The following CHD1L variants were observed in gnomAD, a reference collection of about 807,000 sequenced individuals.
The protein encoded by CHD1L is chromodomain helicase DNA binding protein 1 like.
A neutral mutation model predicts 115.9 loss-of-function variants in CHD1L; 118 were observed. The ratio of observed to expected loss-of-function variants is 1.02; its 90% CI spans 0.88 to 1.19. CHD1L has a LOEUF of 1.19. CHD1L is among the 50% of genes most tolerant of loss of function. The pLI is 0.00. For missense variants in CHD1L, 1,179 were observed against 1,065.3 expected, an observed-to-expected ratio of 1.11 and a Z score of -1.49; for synonymous variants, 411 against 387.1, an observed-to-expected ratio of 1.06 and a Z score of -0.72.
chr1:147,189,264 C>G, the CHD1L span, among the ~76,000 whole-genome samples: 1 of 134,320 alleles, frequency 7.4e-6, no homozygotes, highest in Non-Finnish European at 1.6e-5. Context: ...CAGAGTGAGA[C>G]TCCGTCTAAA....
intron 19 of CHD1L, among the ~76,000 whole-genome samples, chr1:147,289,139 G>C (rs1684527601): frequency 6.6e-6 from 1 of 152,158 alleles, no homozygotes; most frequent in African/African-American, 2.4e-5. Flanking sequence ...TCCAGATCTA[G>C]ATGCTGATTG....
chr1:147,196,476 A>T, the CHD1L span, among the ~76,000 whole-genome samples: 1 of 152,104 alleles, frequency 6.6e-6, no homozygotes, highest in African/African-American at 2.4e-5. Context: ...GAGACACCCA[A>T]TTCATAAAAG....
chr1:147,187,066 C>T, the CHD1L span: 6 of 1,614,138 alleles, frequency 3.7e-6, no homozygotes, highest in South Asian at 6.6e-5. Flanking sequence ...ATCCCACTTT[C>T]CAGGGCCCTG....
chr1:147,258,834 A>G (rs1372258589), intron 5 of CHD1L: 2 of 152,214 alleles, frequency 1.3e-5, no homozygotes, highest in Non-Finnish European at 2.9e-5. Context: ...AAATATGAAA[A>G]TAATGTAATG....
chr1:147,233,696 G>A, the CHD1L span, among the ~76,000 whole-genome samples: 16 of 152,100 alleles, frequency 1.1e-4, no homozygotes, highest in South Asian at 4.1e-4. Context: ...GATGGTTGCC[G>A]TGTCTGTGTA....
Position 147,295,525 on chromosome 1 carries a change from C to T in CHD1L, c.*16C>T. 1 of 1,577,702 alleles carries T rather than the reference C, an allele frequency of 6.3e-7. No individual in the cohort carries two copies. Among genetic ancestry groups the T allele is most frequent in the Middle Eastern group, 1.7e-4 (1 of 5,856 alleles). On this transcript the variant is annotated 3_prime_UTR_variant, in exon 23 of 23. Coordinates refer to ENST00000369258, the MANE Select transcript of CHD1L (RefSeq NM_004284.6). ...GGTGCCTTAAGAATTGGCCCAGCCT[C>T]AGATCCTGTCTTTAGCAACCAGCTA...
At chr1:147,190,719 C>T in the CHD1L span, among the ~76,000 whole-genome samples, 1 of 151,934 alleles carries the variant, frequency 6.6e-6, no homozygotes, top group Non-Finnish European at 1.5e-5. Context: ...TTTTAGGGTA[C>T]ATGTGCACAA....
At chr1:147,257,428 T>C (rs1404344184) in intron 5 of CHD1L, among the ~76,000 whole-genome samples, 1 of 152,174 alleles carries the variant, frequency 6.6e-6, no homozygotes, top group Non-Finnish European at 1.5e-5. Context: ...CTTATTTTTC[T>C]TAAGATATAC....
At chr1:147,229,490 G>A in the CHD1L span, among the ~76,000 whole-genome samples, 6,247 of 149,384 alleles carry the variant, frequency 0.042, 303 homozygotes, top group East Asian at 0.17. Context: ...TTGGCGATGC[G>A]GGCTCTTTTT....
At chr1:147,243,369 T>C (rs1553932398) in intron 1 of CHD1L, among the ~76,000 whole-genome samples, 1 of 150,186 alleles carries the variant, frequency 6.7e-6, no homozygotes, top group African/African-American at 2.4e-5. Context: ...AGCAAAGCAC[T>C]GTTTATGAAG....
At chr1:147,180,173 T>C in the CHD1L span, among the ~76,000 whole-genome samples, 5 of 152,146 alleles carry the variant, frequency 3.3e-5, no homozygotes, top group Non-Finnish European at 1.5e-5. Flanking sequence ...ATAAAAATAA[T>C]AAAGTACATG....
intron 1 of CHD1L, among the ~76,000 whole-genome samples, chr1:147,245,532 A>T (rs1247712376): frequency 6.6e-6 from 1 of 151,610 alleles, no homozygotes; most frequent in Non-Finnish European, 1.5e-5. Context: ...CCTAGATGTT[A>T]CTCCTCCAGG....
chr1:147,212,363 C>T, the CHD1L span: 1 of 1,611,608 alleles, frequency 6.2e-7, no homozygotes, highest in Admixed American at 1.7e-5. Flanking sequence ...TAGAGTTAAG[C>T]AACGTAAATA....
the CHD1L span, chr1:147,179,641 C>A: frequency 7.2e-7 from 1 of 1,398,152 alleles, no homozygotes; most frequent in Non-Finnish European, 1.0e-6. Context: ...AGTAGGCAAA[C>A]ACCACTTTGT....
At chr1:147,173,894 CT>C in the CHD1L span, among the ~76,000 whole-genome samples, 1 of 152,184 alleles carries the variant, frequency 6.6e-6, no homozygotes, top group African/African-American at 2.4e-5. Flanking sequence ...ACAGAGTAGG[CT>C]TTTGCATTTG....
At chr1:147,223,994 G>T in the CHD1L span, 1 of 421,856 alleles carries the variant, frequency 2.4e-6, no homozygotes, top group Non-Finnish European at 4.7e-6. Flanking sequence ...CACCTTGGTG[G>T]AGAACAAGAA....
chr1:147,293,308 CTCT>C (rs1208438372), intron 20 of CHD1L, among the ~76,000 whole-genome samples: 2 of 94,950 alleles, frequency 2.1e-5, no homozygotes, highest in East Asian at 7.8e-4. Flanking sequence ...CAGAAAAATT[CTCT>C]TTTTTTTTTT....
At chr1:147,280,349 A>C (rs1363640989) in intron 15 of CHD1L, among the ~76,000 whole-genome samples, 158 bp downstream of exon 15, 1 of 152,180 alleles carries the variant, frequency 6.6e-6, no homozygotes, top group Non-Finnish European at 1.5e-5. Context: ...TGATAAAAGA[A>C]CGTTACCCAA....
In CHD1L at chr1:147,286,397, G is replaced by A; in HGVS notation, c.2118G>A (p.Glu706=). 1.2e-6 allele frequency: 2 copies of A among 1,614,148 alleles called. No homozygotes were observed. The highest frequency in any genetic ancestry group is 1.7e-6 in the Non-Finnish European group (2 of 1,180,010). Residue 706 remains glutamate (E), a synonymous_variant, in exon 18 of 23, where the codon GAG becomes GAA. Transcript: ENST00000369258. Reference sequence around the variant, plus strand: ...AGAATGGGGAAGAGAGCTCTGCTGAGCTGGATTACCAAGACCCAGATGCTA... The same window carrying A: ...AGAATGGGGAAGAGAGCTCTGCTGAACTGGATTACCAAGACCCAGATGCTA... The part of the protein sequence containing the change: ...DLENGEESSA[E]LDYQDPDATS...
Sources: allele counts gnomAD v4.1 joint callset (sites outside exome capture counted in the v4.1 genomes callset), GRCh38; gene constraint gnomAD v4.1.1; transcripts MANE v1.5; gene names NCBI Gene and HGNC (gene_info 2026-07-23, HGNC 2026-07-21).